SIMC1: variants seen among roughly 807,000 people sequenced by gnomAD.
SIMC1 encodes the protein SUMO interacting motifs containing 1.
A neutral mutation model predicts 82.3 loss-of-function variants in SIMC1; 55 were observed. That is an observed-to-expected ratio of 0.67 (90% CI 0.54 to 0.84). SIMC1 has a LOEUF of 0.84. Among genes scored for constraint, SIMC1 ranks in the 40% least tolerant of loss-of-function variants. The pLI is 0.00. For synonymous variants in SIMC1, 353 were observed against 426.3 expected, an observed-to-expected ratio of 0.83 and a Z score of 2.12; for missense variants, 915 against 1,107.2, an observed-to-expected ratio of 0.83 and a Z score of 2.46.
At chr5:176,308,824 C>T (rs1764537575) in intron 4 of SIMC1, 1 of 1,225,136 alleles carries the variant, frequency 8.2e-7, no homozygotes, top group Non-Finnish European at 1.2e-6. Context: ...CACAGCCTTA[C>T]ACATCTGGAC....
intron 6 of SIMC1, 145 bp from the exon 7 acceptor site, chr5:176,324,483 GT>G: frequency 1.4e-6 from 1 of 693,932 alleles, no homozygotes; most frequent in South Asian, 3.2e-5. Flanking sequence ...GATGGTTTGA[GT>G]AGTTCTCCCT....
At chr5:176,297,732 A>T (rs181007960) in intron 4 of SIMC1, among the ~76,000 whole-genome samples, 1 of 152,172 alleles carries the variant, frequency 6.6e-6, no homozygotes, top group Admixed American at 6.5e-5. Flanking sequence ...AAGTGTGAGG[A>T]TACAATTAAG....
intron 1 of SIMC1, among the ~76,000 whole-genome samples, chr5:176,252,061 A>C (rs530914635): frequency 2.2e-4 from 34 of 152,118 alleles, no homozygotes; most frequent in Non-Finnish European, 4.0e-4. Context: ...CAAAACCACC[A>C]TTGTCATCAT....
chr5:176,324,851 A>G (rs111638990), intron 7 of SIMC1, 94 bp downstream of exon 7: 15 of 1,380,480 alleles, frequency 1.1e-5, no homozygotes, highest in African/African-American at 7.3e-5. Flanking sequence ...TTTTCTATCT[A>G]TGCTACCTGT....
At chr5:176,344,599 C>A (rs1173718694) in intron 9 of SIMC1, among the ~76,000 whole-genome samples, 2 of 152,146 alleles carry the variant, frequency 1.3e-5, no homozygotes, top group Admixed American at 1.3e-4. Flanking sequence ...CCAGTGAGGC[C>A]TCAGGAAACA....
chr5:176,299,877 CACAAA>C (rs1763972583), intron 4 of SIMC1, among the ~76,000 whole-genome samples: 2 of 152,132 alleles, frequency 1.3e-5, no homozygotes, highest in South Asian at 4.1e-4. Flanking sequence ...CATGTTGGGC[CACAAA>C]ACAAGACTTA....
At chr5:176,314,352 C>G (rs1033139944) in intron 5 of SIMC1, among the ~76,000 whole-genome samples, 3 of 152,228 alleles carry the variant, frequency 2.0e-5, no homozygotes, top group African/African-American at 7.2e-5. Context: ...AACAATGTGG[C>G]AGGCACCACA....
intron 5 of SIMC1, among the ~76,000 whole-genome samples, chr5:176,320,037 C>T (rs572847866): frequency 1.3e-5 from 2 of 152,286 alleles, no homozygotes; most frequent in South Asian, 2.1e-4. Flanking sequence ...AAGGTCTTTC[C>T]TCTTGCGCTG....
intron 9 of SIMC1, among the ~76,000 whole-genome samples, chr5:176,342,921 C>T (rs145583235): frequency 3.9e-5 from 6 of 152,304 alleles, no homozygotes; most frequent in African/African-American, 1.4e-4. Flanking sequence ...CTCTAAATTC[C>T]ACTGTGTCCC....
intron 1 of SIMC1, among the ~76,000 whole-genome samples, chr5:176,270,798 C>T (rs1762391586): frequency 6.6e-6 from 1 of 152,226 alleles, no homozygotes; most frequent in African/African-American, 2.4e-5. Flanking sequence ...TAGCCAGAGG[C>T]AAATCGTCCA....
chr5:176,290,870 G>T lies in SIMC1; in HGVS notation c.1346G>T (p.Cys449Phe), dbSNP rs764937907. 1.2e-6 allele frequency: 2 copies of T among 1,613,252 alleles called. No individual in the cohort carries two copies. The highest frequency in any genetic ancestry group is 1.7e-5 in the Admixed American group (1 of 59,910). ...CAAGGTGGGTTGTACAACAGACCAT[G>T]CCTGCATAGACTGAAGTACTTCTTA... is the stretch of plus-strand genomic sequence containing the variant. ...TPQGGLYNRPCLHRLKYFLRP... is the reference protein window; with the variant it reads ...TPQGGLYNRPFLHRLKYFLRP... The change falls in exon 2 of 10, where the codon TGC becomes TTC. Residue 449 changes from cysteine to phenylalanine, a missense_variant. Cys to Phe is a radical substitution (Grantham distance 205). Coordinates refer to ENST00000429602, the MANE Select transcript of SIMC1 (RefSeq NM_001308195.2).
rs1763479728 is a variant in SIMC1 at position 176,290,136 on chromosome 5, C to T, written c.612C>T (p.Pro204=). 2 of 1,605,582 alleles carry T rather than the reference C, an allele frequency of 1.2e-6. No homozygotes were observed. The highest frequency in any genetic ancestry group is 2.7e-5 in the African/African-American group (2 of 74,680). Residue 204 remains proline (P), a synonymous_variant, in exon 2 of 10, where the codon CCC becomes CCT. Coordinates refer to ENST00000429602, the MANE Select transcript of SIMC1 (RefSeq NM_001308195.2). ...GCAGCAGCAGCAATCAAAAAGCACC[C>T]TTGCCATGCCCACAGCAAGATGTAT... ...SSSSSSNQKA[P]LPCPQQDVSR...
intron 7 of SIMC1, among the ~76,000 whole-genome samples, chr5:176,325,731 T>C (rs937705623): frequency 5.3e-5 from 8 of 151,824 alleles, no homozygotes; most frequent in Non-Finnish European, 8.8e-5. Context: ...AAATAAATAA[T>C]AAAAATAAAA....
chr5:176,342,240 C>G (rs1766182163), intron 9 of SIMC1, among the ~76,000 whole-genome samples: 1 of 152,178 alleles, frequency 6.6e-6, no homozygotes, highest in African/African-American at 2.4e-5. Context: ...TAACTAGTCT[C>G]AAATAAAACA....
chr5:176,296,384 T>C (rs192712969), intron 4 of SIMC1, 64 bp downstream of exon 4: 24 of 1,612,096 alleles, frequency 1.5e-5, no homozygotes, highest in Admixed American at 6.7e-5. Context: ...AAAAGTGATA[T>C]CAGGTGCCAT....
intron 1 of SIMC1, among the ~76,000 whole-genome samples, chr5:176,254,239 T>G (rs796150565): frequency 1.4e-4 from 21 of 152,254 alleles, no homozygotes; most frequent in Admixed American, 1.2e-3. Flanking sequence ...AGCTGCTGAT[T>G]GTGAAATTTC....
chr5:176,342,180 T>G (rs1247643097), intron 9 of SIMC1, among the ~76,000 whole-genome samples: 1 of 152,238 alleles, frequency 6.6e-6, no homozygotes, highest in Non-Finnish European at 1.5e-5. Context: ...GAGTGGCACA[T>G]GCCTTAAGAA....
At chr5:176,325,634 T>C (rs964745972) in intron 7 of SIMC1, among the ~76,000 whole-genome samples, 1 of 152,112 alleles carries the variant, frequency 6.6e-6, no homozygotes, top group Non-Finnish European at 1.5e-5. Context: ...TGCAGTGAGC[T>C]GAGATGGCGC....
chr5:176,324,829 T>C, intron 7 of SIMC1, 72 bp downstream of exon 7: 2 of 1,470,964 alleles, frequency 1.4e-6, no homozygotes, highest in South Asian at 1.4e-5. Flanking sequence ...AAATCATTTT[T>C]ATTAAATTAA....
Sources: allele counts gnomAD v4.1 joint callset (sites outside exome capture counted in the v4.1 genomes callset), GRCh38; gene constraint gnomAD v4.1.1; transcripts MANE v1.5; gene names NCBI Gene and HGNC (gene_info 2026-07-23, HGNC 2026-07-21).